The following PHACTR4 variants were observed in gnomAD, a reference collection of about 807,000 sequenced individuals.
The protein encoded by PHACTR4 is protein phosphatase 1, regulatory subunit 124.
A neutral mutation model predicts 72.7 loss-of-function variants in PHACTR4; 51 were observed. The ratio of observed to expected loss-of-function variants is 0.70; its 90% CI spans 0.56 to 0.89. The LOEUF (loss-of-function observed/expected upper bound fraction) is 0.89, where lower values mean the gene tolerates loss of function less well. Among genes scored for constraint, PHACTR4 ranks in the 40% least tolerant of loss-of-function variants. The pLI, the probability that PHACTR4 is intolerant of heterozygous loss-of-function variation, is 0.00. For missense variants in PHACTR4, 731 were observed against 861.8 expected (o/e 0.85, Z 1.90); for synonymous variants, 255 against 302.5 (o/e 0.84, Z 1.63).
At chr1:28,373,437 T>C (rs7520288) in intron 1 of PHACTR4, among the ~76,000 whole-genome samples, 58,026 of 151,878 alleles carry the variant, frequency 0.38, 12,754 homozygotes, top group African/African-American at 0.6. Flanking sequence ...ATTACAGGCA[T>C]GTGCCAACAT....
intron 9 of PHACTR4, among the ~76,000 whole-genome samples, chr1:28,488,103 T>G (rs1557850107): frequency 6.6e-6 from 1 of 152,148 alleles, no homozygotes; most frequent in Non-Finnish European, 1.5e-5. Flanking sequence ...TATCAAATGC[T>G]TCACAGAGAA....
chr1:28,409,951 A>ATTTTTTTTTTTTTTTTTT (rs57186471), intron 2 of PHACTR4, among the ~76,000 whole-genome samples: 1 of 66,338 alleles, frequency 1.5e-5, no homozygotes, highest in African/African-American at 6.4e-5. Flanking sequence ...TTCTTCATAA[A>ATTTTTTTTTTTTTTTTTT]TTTTTTTTTT....
At chr1:28,427,137 C>G (rs1655921122) in intron 2 of PHACTR4, among the ~76,000 whole-genome samples, 2 of 152,210 alleles carry the variant, frequency 1.3e-5, no homozygotes, top group Non-Finnish European at 2.9e-5. Flanking sequence ...ATAACCAATA[C>G]TTCTCTACCA....
At chr1:28,399,705 A>G (rs1653802502) in intron 1 of PHACTR4, among the ~76,000 whole-genome samples, 1 of 152,216 alleles carries the variant, frequency 6.6e-6, no homozygotes, top group Admixed American at 6.5e-5. Flanking sequence ...GAGAGACACA[A>G]TAAGAACTTA....
At chr1:28,491,485 C>T (rs1440177869) in intron 11 of PHACTR4, among the ~76,000 whole-genome samples, 165 bp from the exon 12 acceptor site, 1 of 151,814 alleles carries the variant, frequency 6.6e-6, no homozygotes, top group Non-Finnish European at 1.5e-5. Flanking sequence ...AAAAAACCAC[C>T]TGATAACCAT....
chr1:28,406,189 A>T (rs955524934), intron 1 of PHACTR4, among the ~76,000 whole-genome samples: 4 of 152,306 alleles, frequency 2.6e-5, no homozygotes, highest in Non-Finnish European at 4.4e-5. Context: ...TGAAAACTTT[A>T]CATTTCCAGT....
chr1:28,431,717 C>T (rs1656281912), intron 2 of PHACTR4, among the ~76,000 whole-genome samples: 1 of 152,316 alleles, frequency 6.6e-6, no homozygotes, highest in East Asian at 1.9e-4. Flanking sequence ...AGATATTCCA[C>T]AGTGTCTTAC....
intron 1 of PHACTR4, among the ~76,000 whole-genome samples, chr1:28,376,889 G>A (rs1257567737): frequency 2.0e-5 from 3 of 151,764 alleles, no homozygotes; most frequent in Non-Finnish European, 4.4e-5. Flanking sequence ...CACCTGTCTC[G>A]GCCTCTCAAA....
intron 1 of PHACTR4, among the ~76,000 whole-genome samples, chr1:28,370,358 G>A (rs192425361): frequency 6.6e-6 from 1 of 152,172 alleles, no homozygotes; most frequent in African/African-American, 2.4e-5. Flanking sequence ...CAGCCTGGGC[G>A]GCTTCAGGGC....
chr1:28,444,894 T>G (rs955541135), intron 2 of PHACTR4, among the ~76,000 whole-genome samples: 13 of 151,168 alleles, frequency 8.6e-5, no homozygotes, highest in African/African-American at 3.2e-4. Flanking sequence ...CCCAAAGTGC[T>G]GGGATTACAG....
chr1:28,458,619 A>C (rs1186580724), intron 2 of PHACTR4, among the ~76,000 whole-genome samples: 1 of 152,176 alleles, frequency 6.6e-6, no homozygotes, highest in Non-Finnish European at 1.5e-5. Flanking sequence ...TAATTTGATG[A>C]GCAGATATAA....
intron 2 of PHACTR4, chr1:28,453,633 A>T: frequency 7.9e-7 from 1 of 1,258,808 alleles, no homozygotes; most frequent in Non-Finnish European, 1.1e-6. Flanking sequence ...CAAATAGAGA[A>T]GAGAGACTCG....
At chr1:28,472,363 T>C (rs1292292948) in intron 6 of PHACTR4, among the ~76,000 whole-genome samples, 1 of 152,186 alleles carries the variant, frequency 6.6e-6, no homozygotes, top group African/African-American at 2.4e-5. Context: ...AAAGATGCTA[T>C]ATTTTTTCCC....
At chr1:28,385,500 G>C (rs1208467538) in intron 1 of PHACTR4, among the ~76,000 whole-genome samples, 1 of 140,858 alleles carries the variant, frequency 7.1e-6, no homozygotes, top group Non-Finnish European at 1.5e-5. Context: ...CTGAGATCGT[G>C]CCACTGCACT....
In PHACTR4 at chr1:28,470,541, C is replaced by A. The variant is rs187149608; in HGVS notation, c.824-3013C>A. Among the ~76,000 whole-genome samples the A allele has an allele frequency of 5.8e-4, 84 of 146,030 alleles. No individual in the cohort carries two copies. The East Asian group carries it at 9.7e-3, about 17-fold the overall frequency. ...CCATCTCTACAAAAAATACCCCCCCCAAAAATTAGCCGGGCATGGTGGCAC... is the reference window on the plus strand; with the variant it reads ...CCATCTCTACAAAAAATACCCCCCCAAAAAATTAGCCGGGCATGGTGGCAC... On this transcript the variant is annotated intron_variant, in intron 6 of 13. Coordinates refer to ENST00000373839, the MANE Select transcript of PHACTR4 (RefSeq NM_001048183.3).
intron 2 of PHACTR4, among the ~76,000 whole-genome samples, chr1:28,443,632 C>A (rs34183469): frequency 0.39 from 58,280 of 151,252 alleles, 12,900 homozygotes; most frequent in African/African-American, 0.6. Flanking sequence ...TATTTTTTGA[C>A]GAAACGAGGT....
chr1:28,428,863 C>G (rs529256508), intron 2 of PHACTR4, among the ~76,000 whole-genome samples: 1 of 152,296 alleles, frequency 6.6e-6, no homozygotes, highest in South Asian at 2.1e-4. Context: ...GAGCAGTTTT[C>G]TTCATTTTAC....
chr1:28,416,531 T>C (rs1213791735), intron 2 of PHACTR4, among the ~76,000 whole-genome samples: 2 of 152,176 alleles, frequency 1.3e-5, no homozygotes, highest in African/African-American at 2.4e-5. Flanking sequence ...TGAGCTGTAG[T>C]AGTAGTAGTA....
chr1:28,454,065 T>G (rs745527394), intron 2 of PHACTR4: 1 of 283,448 alleles, frequency 3.5e-6, no homozygotes, highest in Non-Finnish European at 6.8e-6. Context: ...AAAAAAAATT[T>G]TTTTTTTAAT....
Sources: gnomAD v4.1 joint callset for allele counts (sites outside exome capture counted in the v4.1 genomes callset) on GRCh38, gnomAD v4.1.1 for gene constraint, MANE v1.5 for transcripts, NCBI Gene and HGNC (gene_info 2026-07-23, HGNC 2026-07-21) for gene names.